The following MS4A4A variants were observed in gnomAD, a reference collection of about 807,000 sequenced individuals.
MS4A4A encodes the protein membrane-spanning 4-domains subfamily A member 4A.
MS4A4A carries 26 observed loss-of-function variants against 28.0 expected under a neutral mutation model. That is an observed-to-expected ratio of 0.93 (90% CI 0.68 to 1.29). The LOEUF (loss-of-function observed/expected upper bound fraction) is 1.29, where lower values mean the gene tolerates loss of function less well. MS4A4A is among the 50% of genes most tolerant of loss of function. MS4A4A has a pLI of 0.00. For synonymous variants in MS4A4A, 86 were observed against 100.8 expected (o/e 0.85, Z 0.88); for missense variants, 290 against 293.1 (o/e 0.99, Z 0.08).
At chr11:60,307,802 C>T (rs1370270541) in intron 6 of MS4A4A, among the ~76,000 whole-genome samples, 4 of 152,024 alleles carry the variant, frequency 2.6e-5, no homozygotes, top group Non-Finnish European at 5.9e-5. Context: ...AAGAAGAGCC[C>T]CATATTTTTC....
At chr11:60,290,214 G>A in intron 1 of MS4A4A, 1 of 317,352 alleles carries the variant, frequency 3.2e-6, no homozygotes, top group Non-Finnish European at 6.7e-6. Flanking sequence ...GTTATCAACT[G>A]ATGTATTTAA....
chr11:60,306,156 C>T lies in MS4A4A; in HGVS notation c.603C>T (p.Ser201=), dbSNP rs76330819. The T allele has an allele frequency of 3.1e-6, 5 of 1,613,882 alleles. No homozygotes were observed. Among genetic ancestry groups the T allele is most frequent in the Non-Finnish European group, 3.4e-6 (4 of 1,179,890 alleles). ...TGCTGGAATTCTGCATTGCTGTGTC[C>T]CTCTCTGCCTTTGGATGTAAAGTGC... ...LSVLEFCIAV[S]LSAFGCKVLC... Residue 201 remains serine, a synonymous_variant, in exon 6 of 7, where the codon TCC becomes TCT. Transcript: ENST00000337908.
intron 3 of MS4A4A, among the ~76,000 whole-genome samples, chr11:60,297,641 A>C (rs979835046): frequency 6.6e-6 from 1 of 152,218 alleles, no homozygotes; most frequent in Non-Finnish European, 1.5e-5. Flanking sequence ...TATCATTTCT[A>C]GGATGGCTTC....
intron 6 of MS4A4A, among the ~76,000 whole-genome samples, chr11:60,306,962 C>A (rs1412225228): frequency 6.6e-6 from 1 of 152,150 alleles, no homozygotes; most frequent in Non-Finnish European, 1.5e-5. Context: ...CTCCTGGCAG[C>A]TAAACCCAAA....
Position 60,288,586 on chromosome 11 carries a change from T to G in MS4A4A, c.42-3639T>G, listed in dbSNP as rs56286228. 5.4e-3 allele frequency among the ~76,000 whole-genome samples: 819 copies of G among 152,060 alleles called. 10 individuals carry two copies. The highest frequency in any genetic ancestry group is 0.019 in the African/African-American group (794 of 41,476). ...CTGGGGAGCAGGTTACAGTTGAAAT[T>G]TTGGTTCCAGAGCCACTAGGACACT... On this transcript the variant is annotated intron_variant, in intron 1 of 6. Coordinates refer to ENST00000337908, the MANE Select transcript of MS4A4A (RefSeq NM_148975.3).
chr11:60,289,599 G>A (rs201003795), intron 1 of MS4A4A, among the ~76,000 whole-genome samples: 176 of 93,152 alleles, frequency 1.9e-3, no homozygotes, highest in African/African-American at 6.1e-3. Flanking sequence ...GTGTGTATGT[G>A]TGTGTGTGTG....
chr11:60,282,752 T>A, intron 1 of MS4A4A: 1 of 1,254,374 alleles, frequency 8.0e-7, no homozygotes, highest in Non-Finnish European at 1.0e-6. Context: ...AAGACTACAA[T>A]AGATTTGTGC....
intron 4 of MS4A4A, 58 bp from the exon 5 acceptor site, chr11:60,302,501 A>G: frequency 1.3e-6 from 2 of 1,540,976 alleles, no homozygotes; most frequent in Non-Finnish European, 1.8e-6. Flanking sequence ...AAAGTGATTC[A>G]TGGAGATATA....
intron 1 of MS4A4A, among the ~76,000 whole-genome samples, chr11:60,284,176 T>A: frequency 6.6e-6 from 1 of 152,234 alleles, no homozygotes; most frequent in Non-Finnish European, 1.5e-5. Context: ...AGTTACTTAA[T>A]CTTGTGTTTC....
chr11:60,306,462 T>TGGA (rs1051936901), intron 6 of MS4A4A, among the ~76,000 whole-genome samples: 1 of 152,226 alleles, frequency 6.6e-6, no homozygotes, highest in African/African-American at 2.4e-5. Context: ...TCCTCTCAGT[T>TGGA]GGAGAACTCA....
rs1284536597 is a variant in MS4A4A at position 60,300,595 on chromosome 11, G to A, written c.331-406G>A. 5.1e-5 allele frequency among the ~76,000 whole-genome samples: 6 copies of A among 116,678 alleles called. No individual in the cohort carries two copies. In the Admixed American group the frequency reaches 5.6e-4, roughly 11 times the overall value. 76.5% of individuals were successfully genotyped at this position (116,678 alleles called of 152,430 possible). On this transcript the variant is annotated intron_variant, in intron 3 of 6. Transcript: ENST00000337908. ...TGCCCCACTGCACTCCAGCCTGGGC[G>A]ACAGAGCGAGACTCCGTCTCAAAAA...
rs867847984 is a variant in MS4A4A, at chr11:60,308,147, C to G, written c.689C>G (p.Thr230Arg). 9.9e-6 allele frequency: 16 copies of G among 1,613,930 alleles called. No homozygotes were observed. Among genetic ancestry groups the G allele is most frequent in the Middle Eastern group, 3.3e-4 (2 of 6,084 alleles). The change falls in exon 7 of 7, where the codon ACA (threonine) becomes AGA (arginine). Residue 230 changes from threonine to arginine, a missense_variant. By Grantham distance (71) the Thr-to-Arg change is moderately conservative (BLOSUM62 -1). Transcript: ENST00000337908. ...ILPSHSHMAE[T>R]ASPTPLNEV Reference sequence around the variant, plus strand: ...CCATCACATTCTCACATGGCAGAAACAGCATCTCCCACACCACTTAATGAG... The same window carrying G: ...CCATCACATTCTCACATGGCAGAAAGAGCATCTCCCACACCACTTAATGAG...
chr11:60,287,598 T>C (rs535831511), intron 1 of MS4A4A, among the ~76,000 whole-genome samples: 2 of 152,306 alleles, frequency 1.3e-5, no homozygotes, highest in Middle Eastern at 3.4e-3. Flanking sequence ...ACATACAAAA[T>C]ACAATACTTC....
chr11:60,286,320 C>T lies in MS4A4A; in HGVS notation c.41+5604C>T, dbSNP rs904627255. 5.3e-5 allele frequency among the ~76,000 whole-genome samples: 8 copies of T among 152,050 alleles called. No individual in the cohort carries two copies. In the South Asian group the frequency reaches 1.0e-3, roughly 20 times the overall value. Reference sequence around the variant, plus strand: ...TGAGGCAACGTACATCTTCAGCTTACGAAGATGACGGGATTAAGAAATTAA... The same window carrying T: ...TGAGGCAACGTACATCTTCAGCTTATGAAGATGACGGGATTAAGAAATTAA... On this transcript the variant is annotated intron_variant, in intron 1 of 6. Transcript: ENST00000337908.
intron 3 of MS4A4A, 71 bp from the exon 4 acceptor site, chr11:60,300,930 T>G: frequency 9.1e-7 from 1 of 1,093,628 alleles, no homozygotes; most frequent in Middle Eastern, 2.0e-4. Flanking sequence ...AATTTAGAAT[T>G]AAGTTTAGTA....
At chr11:60,306,562 G>A (rs1044727305) in intron 6 of MS4A4A, among the ~76,000 whole-genome samples, 4 of 152,164 alleles carry the variant, frequency 2.6e-5, no homozygotes, top group Admixed American at 6.5e-5. Flanking sequence ...GGTCCATTCA[G>A]AATAATGCCT....
chr11:60,285,451 C>A (rs891735499), intron 1 of MS4A4A, among the ~76,000 whole-genome samples: 3 of 152,122 alleles, frequency 2.0e-5, no homozygotes, highest in Admixed American at 2.0e-4. Context: ...GTACTCCAGC[C>A]TGGGCAACAG....
intron 5 of MS4A4A, among the ~76,000 whole-genome samples, chr11:60,305,471 C>A (rs529292710): frequency 6.6e-6 from 1 of 152,292 alleles, no homozygotes; most frequent in African/African-American, 2.4e-5. Flanking sequence ...GGTTTGTCAT[C>A]CCATCTTCTA....
At chr11:60,293,522 T>C (rs2084875856) in intron 2 of MS4A4A, among the ~76,000 whole-genome samples, 1 of 152,180 alleles carries the variant, frequency 6.6e-6, no homozygotes, top group African/African-American at 2.4e-5. Context: ...CATTGACACA[T>C]CATTACTAAA....
Sources: gnomAD v4.1 joint callset for allele counts (sites outside exome capture counted in the v4.1 genomes callset) on GRCh38, gnomAD v4.1.1 for gene constraint, MANE v1.5 for transcripts, NCBI Gene and HGNC (gene_info 2026-07-23, HGNC 2026-07-21) for gene names.